PPARGC1A: variants seen among roughly 807,000 people sequenced by gnomAD.
The protein encoded by PPARGC1A is PPARG coactivator 1 alpha, also known as peroxisome proliferator-activated receptor gamma coactivator 1-alpha.
In PPARGC1A, 25 loss-of-function variants were observed where a neutral mutation model predicts 88.7. That is an observed-to-expected ratio of 0.28 (90% CI 0.21 to 0.39). The LOEUF (loss-of-function observed/expected upper bound fraction) is 0.39, where lower values mean the gene tolerates loss of function less well. PPARGC1A is among the 10% of genes least tolerant of loss of function. The pLI is 1.00. For missense variants in PPARGC1A, 880 were observed against 968.7 expected (o/e 0.91, Z 1.22); for synonymous variants, 363 against 355.6 (o/e 1.02, Z -0.24).
the PPARGC1A span, among the ~76,000 whole-genome samples, chr4:23,971,259 T>C: frequency 6.6e-6 from 1 of 152,170 alleles, no homozygotes; most frequent in Non-Finnish European, 1.5e-5. Flanking sequence ...AATAGTAATG[T>C]AGTAATTCAT....
At chr4:23,822,028 T>C (rs1723095455) in intron 7 of PPARGC1A, among the ~76,000 whole-genome samples, 1 of 152,170 alleles carries the variant, frequency 6.6e-6, no homozygotes, top group Non-Finnish European at 1.5e-5. Context: ...GCAATTTTAT[T>C]TTTCAACCTA....
the PPARGC1A span, among the ~76,000 whole-genome samples, chr4:24,053,043 TG>T: frequency 6.6e-6 from 1 of 150,874 alleles, no homozygotes; most frequent in African/African-American, 2.4e-5. Context: ...TTTTTTTTTT[TG>T]TATTTTTTAG....
At chr4:24,097,112 G>A in the PPARGC1A span, among the ~76,000 whole-genome samples, 1 of 152,114 alleles carries the variant, frequency 6.6e-6, no homozygotes, top group South Asian at 2.1e-4. Context: ...GGAAGGGAGG[G>A]AAGGTGGTTA....
the PPARGC1A span, among the ~76,000 whole-genome samples, chr4:24,083,698 G>C: frequency 6.6e-6 from 1 of 152,160 alleles, no homozygotes; most frequent in Non-Finnish European, 1.5e-5. Context: ...AGCCATTCCT[G>C]ATGCCCTGAG....
chr4:24,311,013 C>T, the PPARGC1A span, among the ~76,000 whole-genome samples: 1 of 149,402 alleles, frequency 6.7e-6, no homozygotes, highest in Non-Finnish European at 1.5e-5. Context: ...CAAAGAAGAA[C>T]CAAATAGAAT....
At chr4:23,796,604 A>G (rs1186806184) in intron 12 of PPARGC1A, among the ~76,000 whole-genome samples, 1 of 152,166 alleles carries the variant, frequency 6.6e-6, no homozygotes, top group African/African-American at 2.4e-5. Context: ...GAGCAGTTTC[A>G]CTGCTACTTC....
the PPARGC1A span, among the ~76,000 whole-genome samples, chr4:23,968,851 G>A: frequency 2.6e-5 from 4 of 152,052 alleles, no homozygotes; most frequent in Non-Finnish European, 4.4e-5. Context: ...AGTGGAGGTT[G>A]CAGTGAGCCG....
chr4:23,915,100 C>T, the PPARGC1A span, among the ~76,000 whole-genome samples: 1 of 152,084 alleles, frequency 6.6e-6, no homozygotes, highest in African/African-American at 2.4e-5. Context: ...AGGAAAATAG[C>T]CTGTCTTCAT....
At chr4:24,187,673 C>A in the PPARGC1A span, among the ~76,000 whole-genome samples, 1 of 152,270 alleles carries the variant, frequency 6.6e-6, no homozygotes. Context: ...ATCCACCCAG[C>A]AAATAATAAT....
At chr4:24,331,308 T>C in the PPARGC1A span, among the ~76,000 whole-genome samples, 1 of 152,092 alleles carries the variant, frequency 6.6e-6, no homozygotes, top group East Asian at 1.9e-4. Context: ...CCTGAGCTGC[T>C]CCTTCACAGC....
At chr4:23,953,105 A>G in the PPARGC1A span, among the ~76,000 whole-genome samples, 33 of 152,136 alleles carry the variant, frequency 2.2e-4, no homozygotes, top group Admixed American at 1.3e-3. Flanking sequence ...ATAGTAAATA[A>G]ATAAATAAAT....
At chr4:23,985,254 G>T in the PPARGC1A span, among the ~76,000 whole-genome samples, 1 of 152,010 alleles carries the variant, frequency 6.6e-6, no homozygotes, top group African/African-American at 2.4e-5. Flanking sequence ...CAGACGACTG[G>T]GTGAGCAAAG....
chr4:23,937,854 T>A, the PPARGC1A span, among the ~76,000 whole-genome samples: 3 of 152,214 alleles, frequency 2.0e-5, no homozygotes, highest in Non-Finnish European at 4.4e-5. Flanking sequence ...TGCCTCATCA[T>A]CACAGTCCAT....
Position 23,802,336 on chromosome 4 carries a change from G to A in PPARGC1A, c.2029C>T (p.Arg677Cys), listed in dbSNP as rs766182853. 5 of 1,613,816 alleles carry A rather than the reference G, an allele frequency of 3.1e-6. No homozygotes were observed. Among genetic ancestry groups the A allele is most frequent in the Middle Eastern group, 1.6e-4 (1 of 6,082 alleles). ...CTGATTTTACCGACATAAATCACAC[G>A]GCGCTCTTCCTATGGGGGGAAGGAA... ...RQRQKAIEER[R>C]VIYVGKIRPD... Residue 677 changes from arginine to cysteine, a missense_variant, in exon 11 of 13, where the codon CGT becomes TGT. Arg to Cys is a radical substitution (Grantham distance 180). Transcript: ENST00000264867.
At chr4:24,278,888 AAC>A in the PPARGC1A span, among the ~76,000 whole-genome samples, 1 of 152,122 alleles carries the variant, frequency 6.6e-6, no homozygotes, top group Admixed American at 6.5e-5. Flanking sequence ...CATCCACATC[AAC>A]ACTCTCCCCT....
chr4:24,251,763 G>C, the PPARGC1A span, among the ~76,000 whole-genome samples: 3 of 152,114 alleles, frequency 2.0e-5, no homozygotes, highest in Non-Finnish European at 4.4e-5. Context: ...ACCCAGGCCT[G>C]TCTGACTCCA....
At chr4:23,980,185 C>CAAA in the PPARGC1A span, among the ~76,000 whole-genome samples, 191 of 89,408 alleles carry the variant, frequency 2.1e-3, no homozygotes, top group African/African-American at 6.9e-3. Context: ...TCCCAGCCAG[C>CAAA]AAAAAAAAAA....
chr4:23,850,068 T>C (rs919436521), intron 2 of PPARGC1A, among the ~76,000 whole-genome samples: 6 of 152,200 alleles, frequency 3.9e-5, no homozygotes, highest in Non-Finnish European at 8.8e-5. Flanking sequence ...TTATTTTCGC[T>C]TTTTGATGGA....
chr4:24,445,194 A>G, the PPARGC1A span, among the ~76,000 whole-genome samples: 1 of 152,188 alleles, frequency 6.6e-6, no homozygotes, highest in African/African-American at 2.4e-5. Context: ...GAGTCTCCCA[A>G]AATGTTAAGA....
Sources: gnomAD v4.1 joint callset for allele counts (sites outside exome capture counted in the v4.1 genomes callset) on GRCh38, gnomAD v4.1.1 for gene constraint, MANE v1.5 for transcripts, NCBI Gene and HGNC (gene_info 2026-07-23, HGNC 2026-07-21) for gene names.